Variants in POLK observed in about 807,000 individuals in gnomAD.
The protein encoded by POLK is DNA polymerase kappa, also known as polymerase (DNA directed) kappa.
A neutral mutation model predicts 94.0 loss-of-function variants in POLK; 76 were observed. The observed-to-expected ratio is 0.81, with a 90% CI of 0.67 to 0.98. POLK has a LOEUF of 0.98. POLK is among the 50% of genes least tolerant of loss of function. POLK has a pLI of 0.00. For synonymous variants in POLK, 349 were observed against 325.4 expected, an observed-to-expected ratio of 1.07 and a Z score of -0.78; for missense variants, 954 against 1,010.1, an observed-to-expected ratio of 0.94 and a Z score of 0.75.
At chr5:75,562,486 T>A (rs772182844) in intron 3 of POLK, among the ~76,000 whole-genome samples, 1 of 152,200 alleles carries the variant, frequency 6.6e-6, no homozygotes, top group Non-Finnish European at 1.5e-5. Context: ...CTCTTCCTAA[T>A]TGAATACCCT....
At chr5:75,558,677 C>T (rs189374909) in intron 3 of POLK, among the ~76,000 whole-genome samples, 17 of 152,110 alleles carry the variant, frequency 1.1e-4, no homozygotes, top group Admixed American at 9.2e-4. Context: ...ATTTCTCATG[C>T]ATGTTTCTTT....
chr5:75,590,510 G>T (rs773176985), intron 11 of POLK, 70 bp downstream of exon 11: 2 of 836,310 alleles, frequency 2.4e-6, no homozygotes, highest in South Asian at 2.7e-5. Context: ...TTAAAAGCTA[G>T]AGTTAGATTA....
At chr5:75,565,375 A>C (rs967628279) in intron 3 of POLK, among the ~76,000 whole-genome samples, 10 of 152,056 alleles carry the variant, frequency 6.6e-5, no homozygotes, top group Non-Finnish European at 1.5e-4. Context: ...TCTGAAGCCT[A>C]CTTCTGTCAA....
chr5:75,569,659 AG>A (rs1771481874), intron 4 of POLK, among the ~76,000 whole-genome samples, 167 bp downstream of exon 4: 1 of 152,178 alleles, frequency 6.6e-6, no homozygotes, highest in South Asian at 2.1e-4. Context: ...ACTTTAAGGC[AG>A]GGGACCCCAA....
At chr5:75,581,653 GA>G in intron 7 of POLK, 10 of 499,758 alleles carry the variant, frequency 2.0e-5, no homozygotes, top group East Asian at 6.9e-5. Flanking sequence ...GAGCCTGAAG[GA>G]AAAAAAAGAT....
chr5:75,571,852 A>C (rs569769718), intron 4 of POLK, among the ~76,000 whole-genome samples: 1 of 152,182 alleles, frequency 6.6e-6, no homozygotes, highest in East Asian at 1.9e-4. Context: ...AGAAATTCTT[A>C]TTTAAAAGTT....
upstream of POLK, chr5:75,511,740 T>C (rs1201411155): frequency 1.3e-6 from 2 of 1,549,444 alleles, no homozygotes; most frequent in African/African-American, 2.7e-5. Flanking sequence ...GCCTTCGGGA[T>C]CCTCCTCCCG....
chr5:75,576,893 A>G, exon 6 of POLK: 2 of 1,569,702 alleles, frequency 1.3e-6, no homozygotes, highest in Non-Finnish European at 1.7e-6. Flanking sequence ...CTGAGGATAA[A>G]AGAAGGTATT....
intron 1 of POLK, among the ~76,000 whole-genome samples, chr5:75,539,808 T>C (rs972445902): frequency 1.3e-5 from 2 of 152,260 alleles, no homozygotes; most frequent in Non-Finnish European, 2.9e-5. Flanking sequence ...TGAAGTTTAC[T>C]ATGAGCTTTC....
Position 75,569,323 on chromosome 5 carries a change from T to G in POLK, c.256-17T>G, listed in dbSNP as rs1195107833. 2 of 1,584,368 alleles carry G rather than the reference T, an allele frequency of 1.3e-6. No homozygotes were observed. The highest frequency in any genetic ancestry group is 2.7e-5 in the African/African-American group (2 of 73,882). On this transcript the variant is annotated splice_polypyrimidine_tract_variant and intron_variant, in intron 3 of 14. Transcript: ENST00000241436. ...TTATGTTGTCTAAAAGTATGTTAAC[T>G]TTTTTAAAAAATTAAGGTTGACAGA...
intron 10 of POLK, among the ~76,000 whole-genome samples, chr5:75,588,846 C>T (rs1430354092): frequency 6.6e-6 from 1 of 152,128 alleles, no homozygotes; most frequent in East Asian, 1.9e-4. Flanking sequence ...TATAAGGACC[C>T]TTGGGATTAC....
chr5:75,589,135 C>T (rs568202870), intron 10 of POLK, among the ~76,000 whole-genome samples: 1 of 152,146 alleles, frequency 6.6e-6, no homozygotes, highest in African/African-American at 2.4e-5. Flanking sequence ...TACAGGGTTA[C>T]TCACTGCATT....
chr5:75,520,843 C>G (rs1768542685), intron 1 of POLK, among the ~76,000 whole-genome samples: 1 of 152,064 alleles, frequency 6.6e-6, no homozygotes, highest in African/African-American at 2.4e-5. Context: ...CTGGGAAAGA[C>G]TTTATCTTTC....
intron 1 of POLK, among the ~76,000 whole-genome samples, chr5:75,539,097 G>C (rs1376760313): frequency 6.6e-6 from 1 of 152,098 alleles, no homozygotes; most frequent in African/African-American, 2.4e-5. Context: ...TATAGCACAG[G>C]GTTAATAATA....
At chr5:75,588,414 T>A (rs1561404154) in intron 10 of POLK, among the ~76,000 whole-genome samples, 1 of 152,084 alleles carries the variant, frequency 6.6e-6, no homozygotes, top group African/African-American at 2.4e-5. Context: ...GAAAAGGAAA[T>A]ACAAATGGCT....
exon 9 of POLK, chr5:75,584,841 G>T: frequency 1.2e-6 from 2 of 1,600,972 alleles, no homozygotes; most frequent in Non-Finnish European, 1.7e-6. Flanking sequence ...CCAACAGAGG[G>T]CATTGCTTTC....
At chr5:75,586,990 CTT>C in intron 9 of POLK, 34 bp from the exon 10 acceptor site, 3 of 1,487,776 alleles carry the variant, frequency 2.0e-6, no homozygotes, top group Non-Finnish European at 2.8e-6. Context: ...AAAACTCAGT[CTT>C]TGAAAAATAA....
chr5:75,511,124 C>G (rs150201400), upstream of POLK: 5 of 1,591,150 alleles, frequency 3.1e-6, no homozygotes, highest in Admixed American at 1.7e-5. Flanking sequence ...TACTGAGGAC[C>G]CCGCAGCGCT....
intron 1 of POLK, among the ~76,000 whole-genome samples, chr5:75,545,485 G>C (rs943451268): frequency 6.6e-6 from 1 of 152,120 alleles, no homozygotes; most frequent in Non-Finnish European, 1.5e-5. Context: ...ATTCAATCTT[G>C]CTGAAGTTCT....
Sources: gnomAD v4.1 joint callset for allele counts (sites outside exome capture counted in the v4.1 genomes callset) on GRCh38, gnomAD v4.1.1 for gene constraint, MANE v1.5 for transcripts, NCBI Gene and HGNC (gene_info 2026-07-23, HGNC 2026-07-21) for gene names.